MATK: variants seen among roughly 807,000 people sequenced by gnomAD.
The protein encoded by MATK is megakaryocyte-associated tyrosine kinase.
In MATK, 41 loss-of-function variants were observed where a neutral mutation model predicts 59.8. The ratio of observed to expected loss-of-function variants is 0.69; its 90% confidence interval spans 0.53 to 0.89. The LOEUF (loss-of-function observed/expected upper bound fraction) is 0.89, where lower values mean the gene tolerates loss of function less well. Ranked by LOEUF, MATK falls within the 40% of genes least tolerant of loss-of-function variation. The pLI, the probability that MATK is intolerant of heterozygous loss-of-function variation, is 0.00. For missense variants in MATK, 593 were observed against 719.6 expected, an observed-to-expected ratio of 0.82 and a Z score of 2.01; for synonymous variants, 308 against 306.1, an observed-to-expected ratio of 1.01 and a Z score of -0.06.
intron 1 of MATK, among the ~76,000 whole-genome samples, chr19:3,796,316 A>G (rs2037594134): frequency 1.3e-5 from 2 of 152,078 alleles, no homozygotes; most frequent in South Asian, 2.1e-4. Flanking sequence ...ATTTACCTCC[A>G]TAGTTCCAAG....
chr19:3,778,310 G>A lies in MATK; in HGVS notation c.1397C>T (p.Ala466Val). Reference sequence around the variant, plus strand: ...CAGTTTGCGGAAGGGTGGCCGGCGGGCGGGCTCTGCCTCCCAGCAGCTGCT... The same window carrying A: ...CAGTTTGCGGAAGGGTGGCCGGCGGACGGGCTCTGCCTCCCAGCAGCTGCT... ...LMSSCWEAEPARRPPFRKLAE... is the reference protein window; with the variant it reads ...LMSSCWEAEPVRRPPFRKLAE... Residue 466 changes from alanine to valine, a missense_variant, in exon 14 of 14, where the codon GCC (alanine) becomes GTC (valine). Coordinates refer to ENST00000310132, the MANE Select transcript of MATK (RefSeq NM_139355.3). The A allele has an allele frequency of 6.3e-7, 1 of 1,576,214 alleles. No homozygotes were observed. The highest frequency in any genetic ancestry group is 8.6e-7 in the Non-Finnish European group (1 of 1,165,410).
intron 1 of MATK, chr19:3,793,129 C>T (rs1374551491): frequency 8.5e-5 from 13 of 152,374 alleles, no homozygotes; most frequent in African/African-American, 2.6e-4. Context: ...CGAAGGGCCT[C>T]TTGGGGCGAG....
At position 3,778,135 on chromosome 19, in the gene MATK, C is replaced by T. The variant is rs1216294671; in HGVS notation, c.*48G>A. 6.6e-7 allele frequency: 1 copy of T among 1,523,492 alleles called. No individual in the cohort carries two copies. Among genetic ancestry groups the T allele is most frequent in the East Asian group, 2.5e-5 (1 of 40,756 alleles). 94.4% of individuals were successfully genotyped at this position (1,523,492 alleles called of 1,614,324 possible). ...GCCTGGTCAGTGCCCCCACGCCGCA[C>T]TCTCCACTCTCTCGGTCCTCTGGGG... On this transcript the variant is annotated 3_prime_UTR_variant, in exon 14 of 14. Coordinates refer to ENST00000310132, the MANE Select transcript of MATK (RefSeq NM_139355.3).
Position 3,779,199 on chromosome 19 carries a change from AG to A in MATK, c.1002-13del. The A allele has an allele frequency of 6.3e-7, 1 of 1,574,910 alleles. No homozygotes were observed. The highest frequency in any genetic ancestry group is 1.3e-5 in the African/African-American group (1 of 74,134). On this transcript the variant is annotated splice_polypyrimidine_tract_variant and intron_variant, in intron 11 of 13. Coordinates refer to ENST00000310132, the MANE Select transcript of MATK (RefSeq NM_139355.3). ...CCTCGGCCACGTGCCTGGGGGTAGT[AG>A]GGGGCAGTGGGGGCTCAGGTGCCAG...
At chr19:3,789,722 T>C (rs956169238), upstream of MATK, among the ~76,000 whole-genome samples, 1 of 32,098 alleles carries the variant, frequency 3.1e-5, no homozygotes, top group African/African-American at 1.2e-4. Flanking sequence ...GCAACTTTGC[T>C]TTTTTTTTTT....
chr19:3,792,309 T>C (rs1350385048), intron 1 of MATK, among the ~76,000 whole-genome samples: 2 of 151,958 alleles, frequency 1.3e-5, no homozygotes. Flanking sequence ...ATAAACATAG[T>C]AGGTGATGAG....
chr19:3,778,486 GC>G, intron 13 of MATK, 22 bp downstream of exon 13: 1 of 1,613,802 alleles, frequency 6.2e-7, no homozygotes, highest in South Asian at 1.1e-5. Flanking sequence ...GGAACCCAGT[GC>G]CTCCCTGGGA....
At chr19:3,794,149 T>C (rs1417739384) in intron 1 of MATK, among the ~76,000 whole-genome samples, 3 of 152,160 alleles carry the variant, frequency 2.0e-5, no homozygotes, top group Admixed American at 1.3e-4. Context: ...CACCCCACAG[T>C]GGTCACCCTT....
chr19:3,784,795 G>C (rs1056394929), intron 3 of MATK, 30 bp downstream of exon 3: 1 of 1,534,280 alleles, frequency 6.5e-7, no homozygotes, highest in Admixed American at 2.0e-5. Context: ...AGGACCCGGG[G>C]AGCAGAGGAA....
At chr19:3,789,882 G>A (rs1338100439), upstream of MATK, among the ~76,000 whole-genome samples, 4 of 151,594 alleles carry the variant, frequency 2.6e-5, no homozygotes, top group African/African-American at 7.3e-5. Context: ...GTGCCACCAC[G>A]CCCTGCTAAC....
intron 1 of MATK, among the ~76,000 whole-genome samples, chr19:3,796,936 C>A (rs780468565): frequency 2.6e-5 from 4 of 152,158 alleles, no homozygotes; most frequent in Non-Finnish European, 5.9e-5. Flanking sequence ...TTTCCTCATA[C>A]TTTGCCTGTC....
At chr19:3,778,967 A>C (rs752009663) in intron 12 of MATK, 25 bp downstream of exon 12, 2 of 1,519,464 alleles carry the variant, frequency 1.3e-6, no homozygotes, top group East Asian at 2.3e-5. Flanking sequence ...CCAAAGCCCC[A>C]GGGGTATGTG....
chr19:3,801,319 G>A (rs2037641472), intron 1 of MATK, among the ~76,000 whole-genome samples: 1 of 152,098 alleles, frequency 6.6e-6, no homozygotes, highest in African/African-American at 2.4e-5. Flanking sequence ...TTTCCCAAAC[G>A]ACCCCCGAGC....
intron 1 of MATK, among the ~76,000 whole-genome samples, chr19:3,798,146 T>C (rs979689217): frequency 1.3e-5 from 2 of 152,236 alleles, no homozygotes; most frequent in African/African-American, 2.4e-5. Flanking sequence ...TCTCCGAGGA[T>C]AAGATGCATA....
chr19:3,785,398 T>A, intron 1 of MATK, 112 bp from the exon 2 acceptor site: 1 of 681,812 alleles, frequency 1.5e-6, no homozygotes, highest in Non-Finnish European at 2.3e-6. Context: ...GTAGCCCTGC[T>A]GGGCTCCTCC....
chr19:3,784,566 C>T (rs2037452446), intron 3 of MATK, 115 bp from the exon 4 acceptor site: 4 of 727,918 alleles, frequency 5.5e-6, no homozygotes, highest in Admixed American at 2.6e-5. Context: ...TGGAAAAGAG[C>T]GGAGAGGCAG....
upstream of MATK, among the ~76,000 whole-genome samples, chr19:3,790,091 AG>A (rs1481726064): frequency 3.3e-5 from 5 of 152,126 alleles, no homozygotes; most frequent in African/African-American, 9.7e-5. Context: ...TAGTAGAGAC[AG>A]GGTTTCGCCA....
At chr19:3,786,464 G>T, upstream of MATK, 1 of 942,614 alleles carries the variant, frequency 1.1e-6, no homozygotes, top group South Asian at 4.8e-5. This position sits in a 1 kb window ranked among gnomAD's most constrained non-coding sequence, Gnocchi z 4.1. Context: ...GCGCGCCCCG[G>T]GCGGGGTCCC....
intron 1 of MATK, among the ~76,000 whole-genome samples, chr19:3,792,177 C>T (rs996052251): frequency 6.6e-6 from 1 of 151,894 alleles, no homozygotes; most frequent in Non-Finnish European, 1.5e-5. Context: ...TCCTTGATCA[C>T]ACAGCTGGCT....
Sources: gnomAD v4.1 joint callset for allele counts (sites outside exome capture counted in the v4.1 genomes callset) on GRCh38, gnomAD v4.1.1 for gene constraint, Gnocchi (gnomAD v3.1) non-coding constraint, MANE v1.5 for transcripts, NCBI Gene and HGNC (gene_info 2026-07-23, HGNC 2026-07-21) for gene names.